Variants in CYRIA observed in about 807,000 individuals in gnomAD.
CYRIA encodes CYFIP-related Rac1 interactor A.
Under a neutral mutation model 43.9 loss-of-function variants are expected in CYRIA, and 15 were observed. That is an observed-to-expected ratio of 0.34 (90% CI 0.23 to 0.53). The LOEUF is 0.53. Ranked by LOEUF, CYRIA falls within the 20% of genes least tolerant of loss-of-function variation. CYRIA has a pLI of 0.94. For missense variants in CYRIA, 236 were observed against 394.2 expected, an observed-to-expected ratio of 0.60 and a Z score of 3.40; for synonymous variants, 117 against 136.0, an observed-to-expected ratio of 0.86 and a Z score of 0.97.
intron 5 of CYRIA, among the ~76,000 whole-genome samples, chr2:16,562,635 A>C (rs922466731): frequency 1.3e-5 from 2 of 152,022 alleles, no homozygotes; most frequent in Admixed American, 6.6e-5. Flanking sequence ...ATCTACCTCC[A>C]TTATTTTTCT....
chr2:16,565,251 C>T (rs1233428870), intron 4 of CYRIA, among the ~76,000 whole-genome samples: 1 of 151,324 alleles, frequency 6.6e-6, no homozygotes, highest in Non-Finnish European at 1.5e-5. Flanking sequence ...TGTGCAACCT[C>T]AGCTCACTGA....
chr2:16,554,563 G>T (rs1405499818), intron 11 of CYRIA, among the ~76,000 whole-genome samples: 1 of 152,158 alleles, frequency 6.6e-6, no homozygotes, highest in Non-Finnish European at 1.5e-5. Context: ...AATAAACAAA[G>T]AAACACAAAA....
intron 1 of CYRIA, among the ~76,000 whole-genome samples, chr2:16,633,319 C>G (rs1021587699): frequency 2.0e-5 from 3 of 152,158 alleles, no homozygotes; most frequent in Non-Finnish European, 4.4e-5. Context: ...AGACCACAAT[C>G]CATACTGACC....
At chr2:16,616,965 G>C (rs1024782152) in intron 2 of CYRIA, among the ~76,000 whole-genome samples, 3 of 152,204 alleles carry the variant, frequency 2.0e-5, no homozygotes, top group African/African-American at 7.2e-5. Context: ...ATTATATCAA[G>C]ACCACAATTA....
chr2:16,574,521 G>T (rs1667255261), intron 3 of CYRIA, among the ~76,000 whole-genome samples: 1 of 152,194 alleles, frequency 6.6e-6, no homozygotes, highest in African/African-American at 2.4e-5. Context: ...TTACAGGCCT[G>T]GAAGCCTAGG....
chr2:16,562,282 G>T, intron 5 of CYRIA, 141 bp from the exon 6 acceptor site: 1 of 913,034 alleles, frequency 1.1e-6, no homozygotes, highest in Non-Finnish European at 1.6e-6. Flanking sequence ...TGTGCTGCAT[G>T]TGGACGAGGA....
chr2:16,563,902 C>T lies in CYRIA; in HGVS notation c.298+87G>A, dbSNP rs567896774. ...CAGTGGATGGATGTGGGACATTTTC[C>T]AATATGCCACGCTGTTCCCACTACC... is the stretch of plus-strand genomic sequence containing the variant. On this transcript the variant is annotated intron_variant, in intron 5 of 11. Transcript: ENST00000381323. 47 of 890,482 alleles carry T rather than the reference C, an allele frequency of 5.3e-5. No individual in the cohort carries two copies. The East Asian group carries it at 1.2e-3, about 23-fold the overall frequency. The allele number at this position is 890,482 out of a possible 1,614,324, so 55.2% of individuals were successfully genotyped here.
chr2:16,661,293 T>C lies in CYRIA; in HGVS notation c.-167+4487A>G, dbSNP rs191950470. Among the ~76,000 whole-genome samples the C allele has an allele frequency of 2.4e-3, 371 of 152,064 alleles. 2 individuals carry two copies. The highest frequency in any genetic ancestry group is 3.7e-3 in the Non-Finnish European group (252 of 67,962). On this transcript the variant is annotated intron_variant, in intron 1 of 11. Coordinates refer to ENST00000381323, the MANE Select transcript of CYRIA (RefSeq NM_030797.4). ...CTGTCTCAAAAAAAGAAAAAATAAA[T>C]AAACTGAATCCAAGTCACCTTTGTA...
intron 2 of CYRIA, among the ~76,000 whole-genome samples, chr2:16,612,821 C>T (rs60825015): frequency 0.034 from 5,189 of 152,300 alleles, 280 homozygotes; most frequent in African/African-American, 0.12. Flanking sequence ...CACCCAAAAT[C>T]TCATCTGGAA....
At chr2:16,625,934 T>C (rs1014949923) in intron 1 of CYRIA, among the ~76,000 whole-genome samples, 3 of 152,042 alleles carry the variant, frequency 2.0e-5, no homozygotes, top group African/African-American at 7.2e-5. Context: ...ATGCTGCTAT[T>C]TTCCACCACA....
At chr2:16,592,558 T>C (rs1310916814) in intron 2 of CYRIA, among the ~76,000 whole-genome samples, 1 of 152,184 alleles carries the variant, frequency 6.6e-6, no homozygotes, top group Non-Finnish European at 1.5e-5. Context: ...TCTGGGTCAC[T>C]GGTCCTTGGC....
At chr2:16,558,392 G>A (rs1398048988) in intron 10 of CYRIA, among the ~76,000 whole-genome samples, 1 of 152,108 alleles carries the variant, frequency 6.6e-6, no homozygotes, top group Non-Finnish European at 1.5e-5. Flanking sequence ...GCCCTCCTGG[G>A]CATGTAGACT....
chr2:16,580,568 C>T (rs1667518134), intron 3 of CYRIA, among the ~76,000 whole-genome samples: 2 of 152,104 alleles, frequency 1.3e-5, no homozygotes, highest in Non-Finnish European at 2.9e-5. Context: ...CAATTCTCCC[C>T]TAATTGTTCC....
At chr2:16,582,375 C>T (rs148525543) in intron 3 of CYRIA, among the ~76,000 whole-genome samples, 25 of 152,228 alleles carry the variant, frequency 1.6e-4, no homozygotes, top group Admixed American at 1.3e-4. Flanking sequence ...ACGTGCCATA[C>T]GATTTGCCCA....
intron 2 of CYRIA, among the ~76,000 whole-genome samples, chr2:16,593,544 G>A (rs893837396): frequency 1.3e-5 from 2 of 151,966 alleles, no homozygotes; most frequent in African/African-American, 4.8e-5. Flanking sequence ...TTGTGATAGA[G>A]GCCTCAGGTA....
At chr2:16,621,596 C>G (rs1199834140) in intron 2 of CYRIA, among the ~76,000 whole-genome samples, 1 of 152,216 alleles carries the variant, frequency 6.6e-6, no homozygotes, top group Non-Finnish European at 1.5e-5. Context: ...ACAGGCTCCT[C>G]ATTCCTTCTG....
intron 3 of CYRIA, among the ~76,000 whole-genome samples, chr2:16,586,326 A>G (rs1667727231): frequency 6.6e-6 from 1 of 152,162 alleles, no homozygotes; most frequent in South Asian, 2.1e-4. Flanking sequence ...CAAGATATAG[A>G]TAATTTGTTT....
chr2:16,626,126 C>T (rs912901731), intron 1 of CYRIA, among the ~76,000 whole-genome samples: 4 of 152,122 alleles, frequency 2.6e-5, no homozygotes, highest in Non-Finnish European at 5.9e-5. Flanking sequence ...TGAACAACCA[C>T]ACACAGAGAT....
At chr2:16,655,290 G>A (rs1320021958) in intron 1 of CYRIA, among the ~76,000 whole-genome samples, 1 of 152,158 alleles carries the variant, frequency 6.6e-6, no homozygotes, top group Non-Finnish European at 1.5e-5. Context: ...CCTAGTGTGT[G>A]GGCTTGCCTC....
Sources: allele counts gnomAD v4.1 joint callset (sites outside exome capture counted in the v4.1 genomes callset), GRCh38; gene constraint gnomAD v4.1.1; transcripts MANE v1.5; gene names NCBI Gene and HGNC (gene_info 2026-07-23, HGNC 2026-07-21).